Variants in ZNF276 observed in about 807,000 individuals in gnomAD.
The protein encoded by ZNF276 is centromere protein Z.
ZNF276 carries 59 observed loss-of-function variants against 63.9 expected under a neutral mutation model. The observed-to-expected ratio is 0.92, with a 90% CI of 0.75 to 1.15. The LOEUF is 1.15. Ranked by LOEUF, ZNF276 falls within the 50% of genes most tolerant of loss-of-function variation. The pLI, the probability that ZNF276 is intolerant of heterozygous loss-of-function variation, is 0.00. For missense variants in ZNF276, 1,084 were observed against 843.8 expected, an observed-to-expected ratio of 1.28 and a Z score of -3.53; for synonymous variants, 496 against 348.4, an observed-to-expected ratio of 1.42 and a Z score of -4.72.
In ZNF276 at chr16:89,733,906, G is replaced by T. The variant is rs562343284; in HGVS notation, c.1357-15G>T. 14 of 1,612,572 alleles carry T rather than the reference G, an allele frequency of 8.7e-6. No individual in the cohort carries two copies. The highest frequency in any genetic ancestry group is 3.3e-5 in the South Asian group (3 of 91,058). ...GGTGCGGCTCTGAGGGTCTCTCACC[G>T]AGTCTCTCCTTCAGAAGCACATCAA... On this transcript the variant is annotated splice_polypyrimidine_tract_variant and intron_variant, in intron 8 of 10. Coordinates refer to ENST00000443381, the MANE Select transcript of ZNF276 (RefSeq NM_001113525.2).
In ZNF276 at chr16:89,739,425, TGGG is replaced by T. The variant is rs1159849333; in HGVS notation, c.*1182_*1184del. 1.9e-6 allele frequency: 3 copies of T among 1,553,226 alleles called. No homozygotes were observed. The highest frequency in any genetic ancestry group is 1.7e-6 in the Non-Finnish European group (2 of 1,146,600). On this transcript the variant is annotated 3_prime_UTR_variant, in exon 11 of 11. Coordinates refer to ENST00000443381, the MANE Select transcript of ZNF276 (RefSeq NM_001113525.2). Reference sequence around the variant, plus strand: ...CTGGCGGGACCCAGAGGTGCTGAGATGGGGGTCTGGGAAACACTGCCCAGCCCT... The same window carrying T: ...CTGGCGGGACCCAGAGGTGCTGAGATGGTCTGGGAAACACTGCCCAGCCCT...
intron 4 of ZNF276, among the ~76,000 whole-genome samples, chr16:89,726,937 C>G (rs1346068184): frequency 1.3e-5 from 2 of 152,212 alleles, no homozygotes; most frequent in East Asian, 3.8e-4. Flanking sequence ...AGCCACCGTG[C>G]CTGGCCTAGT....
At chr16:89,723,977 C>G (rs115427958) in intron 4 of ZNF276, among the ~76,000 whole-genome samples, 1 of 152,234 alleles carries the variant, frequency 6.6e-6, no homozygotes, top group Non-Finnish European at 1.5e-5. Context: ...GCCGTCGAGT[C>G]TTTTTCTAAG....
chr16:89,732,518 T>C (rs2061686780), intron 6 of ZNF276: 1 of 155,440 alleles, frequency 6.4e-6, no homozygotes, highest in Admixed American at 6.3e-5. Context: ...GAGTGGTCCT[T>C]TGGACATCCC....
rs370121430 is a variant in ZNF276, at chr16:89,733,983, C to G, written c.1419C>G (p.Asn473Lys). ...RERPCPHPGC[N>K]KVFMIDRYLQ... ...GGCCCTGCCCCCACCCTGGCTGCAA[C>G]AAGGTTTTCATGATCGACCGCTACC... is the stretch of plus-strand genomic sequence containing the variant. The change falls in exon 9 of 11, where the codon AAC becomes AAG. Residue 473 changes from asparagine (N) to lysine (K), a missense_variant. Coordinates refer to ENST00000443381, the MANE Select transcript of ZNF276 (RefSeq NM_001113525.2). 5.0e-6 allele frequency: 8 copies of G among 1,613,974 alleles called. No individual in the cohort carries two copies. The African/African-American group carries it at 5.3e-5, about 11-fold the overall frequency.
At position 89,740,004 on chromosome 16, in the gene ZNF276, C is replaced by A. The variant is rs775127240; in HGVS notation, c.*1758C>A. ...CAGCGTGTTTCTTACCACTCTCTGT[C>A]AACTGAAAGAGTGCCAGCCAGGATA... On this transcript the variant is annotated 3_prime_UTR_variant, in exon 11 of 11. Transcript: ENST00000443381. The A allele has an allele frequency of 6.2e-7, 1 of 1,614,154 alleles. No homozygotes were observed. The highest frequency in any genetic ancestry group is 2.2e-5 in the East Asian group (1 of 44,880).
Position 89,740,417 on chromosome 16 carries a change from A to T in ZNF276, c.*2171A>T. Reference sequence around the variant, plus strand: ...CACTTTGGGAGGCCGAGGTCGGCGGATCACTGAGGCCAGTTCAAGACCAGC... The same window carrying T: ...CACTTTGGGAGGCCGAGGTCGGCGGTTCACTGAGGCCAGTTCAAGACCAGC... On this transcript the variant is annotated 3_prime_UTR_variant, in exon 11 of 11. Transcript: ENST00000443381. The T allele has an allele frequency of 2.1e-6, 1 of 470,178 alleles. No individual in the cohort carries two copies. Among genetic ancestry groups the T allele is most frequent in the South Asian group, 2.3e-5 (1 of 42,844 alleles). The allele number at this position is 470,178 out of a possible 1,614,324, so 29.1% of individuals were successfully genotyped here.
At chr16:89,727,687 G>A (rs1199060684) in intron 5 of ZNF276, among the ~76,000 whole-genome samples, 1 of 152,230 alleles carries the variant, frequency 6.6e-6, no homozygotes, top group Non-Finnish European at 1.5e-5. Context: ...GAGGGAGCCT[G>A]ATAGGGTTTC....
intron 3 of ZNF276, 33 bp downstream of exon 3, chr16:89,723,216 T>G (rs1597965002): frequency 6.2e-7 from 1 of 1,612,934 alleles, no homozygotes; most frequent in South Asian, 1.1e-5. Context: ...GTGGGCTGGG[T>G]GCCGACCAGC....
rs1178587725 is a variant in ZNF276 at position 89,733,379 on chromosome 16, A to G, written c.1247A>G (p.Lys416Arg). The change falls in exon 7 of 11, where the codon AAG becomes AGG. Residue 416 changes from lysine (K) to arginine (R), a missense_variant. Transcript: ENST00000443381. Reference sequence around the variant, plus strand: ...AGAATTCGGAAGAAGCCGGGACCCAAGCCCGGATGGAAGAAGAAGCTTCGT... The same window carrying G: ...AGAATTCGGAAGAAGCCGGGACCCAGGCCCGGATGGAAGAAGAAGCTTCGT... ...EPRIRKKPGP[K>R]PGWKKKLRCE... The G allele has an allele frequency of 6.2e-7, 1 of 1,614,052 alleles. No homozygotes were observed. Among genetic ancestry groups the G allele is most frequent in the Non-Finnish European group, 8.5e-7 (1 of 1,180,048 alleles).
At chr16:89,733,662 C>T in intron 8 of ZNF276, 105 bp downstream of exon 8, 2 of 1,351,654 alleles carry the variant, frequency 1.5e-6, no homozygotes, top group East Asian at 4.6e-5. Context: ...CCCAAGGACA[C>T]TTTGACCTAG....
rs2062071933 is a variant in ZNF276, at chr16:89,739,563, C to T, written c.*1317C>T. On this transcript the variant is annotated 3_prime_UTR_variant, in exon 11 of 11. Coordinates refer to ENST00000443381, the MANE Select transcript of ZNF276 (RefSeq NM_001113525.2). ...CGCCCCAGCCTGAGGTCTGCAACACCAAGAAGTGGCTCAGGCAACTCTGGA... is the reference window on the plus strand; with the variant it reads ...CGCCCCAGCCTGAGGTCTGCAACACTAAGAAGTGGCTCAGGCAACTCTGGA... 6.4e-7 allele frequency: 1 copy of T among 1,550,920 alleles called. No homozygotes were observed. Among genetic ancestry groups the T allele is most frequent in the African/African-American group, 1.4e-5 (1 of 73,044 alleles).
chr16:89,728,998 C>T (rs2061560582), intron 5 of ZNF276, among the ~76,000 whole-genome samples: 1 of 152,254 alleles, frequency 6.6e-6, no homozygotes, highest in Non-Finnish European at 1.5e-5. Context: ...GTTTCCAAGT[C>T]CAGTGTCCTG....
Position 89,723,099 on chromosome 16 carries a change from C to T in ZNF276, c.510-38C>T, listed in dbSNP as rs766001877. On this transcript the variant is annotated intron_variant, in intron 2 of 10. Transcript: ENST00000443381. ...TACGACGAGCGCTGTGAACCTCCGCCTGCTTGTCCTGCTCATGGCCACACT... is the reference window on the plus strand; with the variant it reads ...TACGACGAGCGCTGTGAACCTCCGCTTGCTTGTCCTGCTCATGGCCACACT... 71 of 1,612,854 alleles carry T rather than the reference C, an allele frequency of 4.4e-5. No homozygotes were observed. In the South Asian group the frequency reaches 6.9e-4, roughly 16 times the overall value.
upstream of ZNF276, chr16:89,720,406 A>G (rs2061223436): frequency 3.0e-6 from 3 of 1,010,082 alleles, no homozygotes; most frequent in African/African-American, 5.2e-5. Flanking sequence ...GATTAAATCT[A>G]CCATCTCTGC....
chr16:89,721,601 G>A lies in ZNF276; in HGVS notation c.-40G>A. 6.8e-7 allele frequency: 1 copy of A among 1,466,308 alleles called. No individual in the cohort carries two copies. Among genetic ancestry groups the A allele is most frequent in the African/African-American group, 1.5e-5 (1 of 68,100 alleles). 90.8% of individuals were successfully genotyped at this position (1,466,308 alleles called of 1,614,324 possible). A position where few individuals can be genotyped will look rare whatever the true frequency, so the allele number is the denominator to read the frequency against. On this transcript the variant is annotated 5_prime_UTR_variant, in exon 1 of 11. Transcript: ENST00000443381. Reference sequence around the variant, plus strand: ...CCGGGTCCTCTAGGAACCTCGGGCCGGGCAGCACCCGCGGGATTCTGCTGG... The same window carrying A: ...CCGGGTCCTCTAGGAACCTCGGGCCAGGCAGCACCCGCGGGATTCTGCTGG...
At chr16:89,729,205 C>T (rs746865744) in intron 5 of ZNF276, 30 bp from the exon 6 acceptor site, 1 of 1,605,668 alleles carries the variant, frequency 6.2e-7, no homozygotes, top group Non-Finnish European at 8.5e-7. Context: ...AGGCCCAGGG[C>T]TTTGCTGAAG....
chr16:89,721,841 G>A lies in ZNF276; in HGVS notation c.201G>A (p.Glu67=), dbSNP rs1268367830. The A allele has an allele frequency of 8.2e-7, 1 of 1,212,186 alleles. No individual in the cohort carries two copies. The highest frequency in any genetic ancestry group is 4.4e-5 in the Admixed American group (1 of 22,910). The allele number at this position is 1,212,186 out of a possible 1,614,324, so 75.1% of individuals were successfully genotyped here. ...CGDAGEDGAD[E]AGAGRALAMG... ...ACGCGGGCGAGGACGGCGCGGACGA[G>A]GCAGGTGGGTCCGCGGCCCGGGCGT... Residue 67 remains glutamate (E), a synonymous_variant, in exon 1 of 11, where the codon GAG becomes GAA. Coordinates refer to ENST00000443381, the MANE Select transcript of ZNF276 (RefSeq NM_001113525.2).
chr16:89,722,418 C>T (rs907953313), intron 1 of ZNF276, 113 bp from the exon 2 acceptor site: 10 of 1,280,952 alleles, frequency 7.8e-6, no homozygotes, highest in South Asian at 7.3e-5. Context: ...TTGCTGTGTC[C>T]GGGAGCCGCG....
Sources: allele counts gnomAD v4.1 joint callset (sites outside exome capture counted in the v4.1 genomes callset), GRCh38; gene constraint gnomAD v4.1.1; transcripts MANE v1.5; gene names NCBI Gene and HGNC (gene_info 2026-07-23, HGNC 2026-07-21).